The following NCAPD3 variants were observed in gnomAD, a reference collection of about 807,000 sequenced individuals.
The protein encoded by NCAPD3 is non-SMC condensin II complex subunit D3.
A neutral mutation model predicts 182.9 loss-of-function variants in NCAPD3; 105 were observed. The ratio of observed to expected loss-of-function variants is 0.57; its 90% confidence interval spans 0.49 to 0.68. The LOEUF is 0.68. Among genes scored for constraint, NCAPD3 ranks in the 30% least tolerant of loss-of-function variants. The probability of loss-of-function intolerance (pLI) is 0.00; values close to 1 mark genes in which losing one functional copy is unlikely to be tolerated. For missense variants in NCAPD3, 1,944 were observed against 1,837.0 expected, an observed-to-expected ratio of 1.06 and a Z score of -1.07; for synonymous variants, 815 against 679.9, an observed-to-expected ratio of 1.20 and a Z score of -3.09.
intron 20 of NCAPD3, among the ~76,000 whole-genome samples, chr11:134,180,010 G>A (rs568123250): frequency 2.0e-5 from 3 of 151,978 alleles, no homozygotes; most frequent in East Asian, 1.9e-4. Context: ...TTGATGACAC[G>A]GTTAACAGTT....
chr11:134,178,423 T>C (rs1194461475), intron 22 of NCAPD3: 2 of 400,504 alleles, frequency 5.0e-6, no homozygotes, highest in Non-Finnish European at 8.9e-6. Context: ...TACCTTAGTC[T>C]TGAGGACTTA....
chr11:134,170,638 T>A (rs1395557637), intron 24 of NCAPD3, among the ~76,000 whole-genome samples: 1 of 152,242 alleles, frequency 6.6e-6, no homozygotes, highest in Non-Finnish European at 1.5e-5. Flanking sequence ...CTTATGTCAA[T>A]GCCAATCGAC....
intron 32 of NCAPD3, 135 bp downstream of exon 32, chr11:134,156,883 C>T: frequency 1.4e-6 from 1 of 738,578 alleles, no homozygotes; most frequent in Admixed American, 2.5e-5. Context: ...AAATACTCCA[C>T]CTCAGCAATG....
At chr11:134,222,691 G>C (rs990581142) in intron 1 of NCAPD3, among the ~76,000 whole-genome samples, 10 of 152,222 alleles carry the variant, frequency 6.6e-5, no homozygotes, top group Non-Finnish European at 1.3e-4. Context: ...GGGGAGGAGG[G>C]AGAGGAATAA....
upstream of NCAPD3, chr11:134,225,112 C>G (rs550972156): frequency 1.3e-6 from 2 of 1,593,150 alleles, no homozygotes; most frequent in African/African-American, 1.3e-5. Flanking sequence ...CCCGCCCGGC[C>G]CGGCGGTGCG....
chr11:134,207,247 T>C (rs1173888407), intron 7 of NCAPD3, among the ~76,000 whole-genome samples: 1 of 152,126 alleles, frequency 6.6e-6, no homozygotes, highest in Admixed American at 6.5e-5. Flanking sequence ...CACTTTCATC[T>C]ACATAGCTAG....
chr11:134,215,681 G>T (rs1332130204), intron 3 of NCAPD3, among the ~76,000 whole-genome samples: 1 of 152,164 alleles, frequency 6.6e-6, no homozygotes, highest in Non-Finnish European at 1.5e-5. Flanking sequence ...TGCGGCTAGG[G>T]ATTAGAAGAC....
chr11:134,207,741 T>A (rs1283597541), intron 7 of NCAPD3, among the ~76,000 whole-genome samples: 10 of 50,006 alleles, frequency 2.0e-4, no homozygotes, highest in East Asian at 1.2e-3. Flanking sequence ...AGACTGCGTC[T>A]CAAAAAAAAA....
In NCAPD3 at chr11:134,208,275, G is replaced by A. The variant is rs565943448; in HGVS notation, c.882+589C>T. ...TTATTGTTTCATTTAAGACATCTAA[G>A]TTTAGTAACAGCATCATGCGCAACT... On this transcript the variant is annotated intron_variant, in intron 7 of 34. Coordinates refer to ENST00000534548, the MANE Select transcript of NCAPD3 (RefSeq NM_015261.3). Among the ~76,000 whole-genome samples, 83 of 152,306 alleles carry A rather than the reference G, an allele frequency of 5.4e-4. 2 individuals carry two copies. Among genetic ancestry groups the A allele is most frequent in the African/African-American group, 1.8e-3 (74 of 41,554 alleles).
At chr11:134,176,577 G>A (rs1565534015) in intron 23 of NCAPD3, among the ~76,000 whole-genome samples, 191 bp from the exon 24 acceptor site, 1 of 152,220 alleles carries the variant, frequency 6.6e-6, no homozygotes, top group Non-Finnish European at 1.5e-5. Flanking sequence ...TTCTACCACA[G>A]GAGAAAAATG....
At position 134,158,349 on chromosome 11, in the gene NCAPD3, C is replaced by A; in HGVS notation, c.4014G>T (p.Gln1338His). The A allele has an allele frequency of 6.2e-7, 1 of 1,614,182 alleles. No individual in the cohort carries two copies. The change falls in exon 30 of 35, where the codon CAG becomes CAT. Residue 1338 changes from glutamine (Q) to histidine (H), a missense_variant. Physicochemically the swap from Gln to His is conservative, Grantham distance 24. Coordinates refer to ENST00000534548, the MANE Select transcript of NCAPD3 (RefSeq NM_015261.3). ...TTTACCTGGCTTTGGGCAGCAACCT[C>A]TGCAATGGCCCTGTTTCAGGTGTAG... Reference protein sequence around the residue: ...SSPTPETGPLQRLLPKARPMS... With the variant: ...SSPTPETGPLHRLLPKARPMS...
At chr11:134,194,244 G>T in intron 14 of NCAPD3, 94 bp from the exon 15 acceptor site, 1 of 1,333,426 alleles carries the variant, frequency 7.5e-7, no homozygotes, top group Non-Finnish European at 1.0e-6. Flanking sequence ...TTAAGTTTGT[G>T]GTTCTTAACA....
chr11:134,179,180 G>T (rs1944237301), intron 20 of NCAPD3, among the ~76,000 whole-genome samples: 1 of 152,084 alleles, frequency 6.6e-6, no homozygotes, highest in South Asian at 2.1e-4. Context: ...CAAGTAAAAG[G>T]GGGTGCTATT....
intron 16 of NCAPD3, among the ~76,000 whole-genome samples, chr11:134,187,138 G>A (rs770796217): frequency 3.3e-5 from 5 of 152,278 alleles, no homozygotes; most frequent in Non-Finnish European, 2.9e-5. Flanking sequence ...CACCTGGGCA[G>A]ACTGTGACCC....
At chr11:134,201,943 A>G (rs1040729403) in intron 13 of NCAPD3, among the ~76,000 whole-genome samples, 1 of 152,180 alleles carries the variant, frequency 6.6e-6, no homozygotes, top group Non-Finnish European at 1.5e-5. Context: ...CAGTAATGTA[A>G]TCATCCTCAG....
chr11:134,163,887 A>AAAAG (rs1943672801), intron 27 of NCAPD3, among the ~76,000 whole-genome samples: 4 of 144,592 alleles, frequency 2.8e-5, no homozygotes, highest in African/African-American at 1.0e-4. Flanking sequence ...AAAAAAAAAA[A>AAAAG]AAAAAGAAAA....
At chr11:134,203,623 GGTTTACT>G in intron 11 of NCAPD3, 24 bp downstream of exon 11, 1 of 1,600,768 alleles carries the variant, frequency 6.2e-7, no homozygotes, top group South Asian at 1.1e-5. Context: ...GCACAAGACC[GGTTTACT>G]GTCCCAATAG....
At chr11:134,184,810 TACACACACACACACACACACACACAC>T (rs60568256) in intron 18 of NCAPD3, 58 bp from the exon 19 acceptor site, 14 of 1,008,310 alleles carry the variant, frequency 1.4e-5, no homozygotes, top group South Asian at 4.2e-5. Context: ...CAGGTATATA[TACACACACACACACACACACACACAC>T]ACACACACAC....
At chr11:134,200,004 C>G (rs979507450) in intron 13 of NCAPD3, among the ~76,000 whole-genome samples, 1 of 152,140 alleles carries the variant, frequency 6.6e-6, no homozygotes, top group African/African-American at 2.4e-5. Context: ...GGTGAAGGAA[C>G]AGGCTGAAAG....
Sources: gnomAD v4.1 joint callset for allele counts (sites outside exome capture counted in the v4.1 genomes callset) on GRCh38, gnomAD v4.1.1 for gene constraint, MANE v1.5 for transcripts, NCBI Gene and HGNC (gene_info 2026-07-23, HGNC 2026-07-21) for gene names.